RAPGEF4: variants seen among roughly 807,000 people sequenced by gnomAD.
RAPGEF4 encodes RAP guanine-nucleotide-exchange factor (GEF) 4.
In RAPGEF4, 66 loss-of-function variants were observed where a neutral mutation model predicts 147.9. The ratio of observed to expected loss-of-function variants is 0.45; its 90% CI spans 0.37 to 0.55. The LOEUF (loss-of-function observed/expected upper bound fraction) is 0.55, where lower values mean the gene tolerates loss of function less well. Ranked by LOEUF, RAPGEF4 falls within the 20% of genes least tolerant of loss-of-function variation. RAPGEF4 has a pLI of 0.00. For synonymous variants in RAPGEF4, 419 were observed against 442.7 expected, an observed-to-expected ratio of 0.95 and a Z score of 0.67; for missense variants, 1,071 against 1,257.3, an observed-to-expected ratio of 0.85 and a Z score of 2.24.
Position 173,052,076 on chromosome 2 carries a change from T to A in RAPGEF4, c.*309T>A, listed in dbSNP as rs993801462. ...GCCCACGTGAAGAGTTTGGTAGAAA[T>A]AGCCTTGTCAAGAGAACTAGCAAGC... is the stretch of plus-strand genomic sequence containing the variant. On this transcript the variant is annotated 3_prime_UTR_variant, in exon 31 of 31. Transcript: ENST00000397081. The A allele has an allele frequency of 2.7e-5, 5 of 186,690 alleles. 1 individual carries two copies. Among genetic ancestry groups the A allele is most frequent in the African/African-American group, 9.3e-5 (4 of 42,832 alleles). 11.6% of individuals were successfully genotyped at this position (186,690 alleles called of 1,614,324 possible). A position where few individuals can be genotyped will look rare whatever the true frequency, so the allele number is the denominator to read the frequency against.
At chr2:172,748,744 A>T (rs900869210) in intron 1 of RAPGEF4, among the ~76,000 whole-genome samples, 3 of 152,210 alleles carry the variant, frequency 2.0e-5, no homozygotes, top group African/African-American at 7.2e-5. Context: ...TTAACTGAAA[A>T]GTCCACAGTC....
At chr2:172,909,556 C>T (rs896689234) in intron 4 of RAPGEF4, among the ~76,000 whole-genome samples, 1 of 152,104 alleles carries the variant, frequency 6.6e-6, no homozygotes, top group African/African-American at 2.4e-5. Flanking sequence ...AGGACATTGT[C>T]CAAGAGCTCA....
At position 172,994,713 on chromosome 2, in the gene RAPGEF4, A is replaced by G. The variant is rs115744613; in HGVS notation, c.1491-1753A>G. Among the ~76,000 whole-genome samples the G allele has an allele frequency of 3.7e-3, 570 of 152,366 alleles. 4 individuals are homozygous for G. Among genetic ancestry groups the G allele is most frequent in the African/African-American group, 0.013 (540 of 41,590 alleles). ...CAGGAATTACTGAATTAATTGAGCA[A>G]TATTCTCTATTTCAATATCGAAAGT... On this transcript the variant is annotated intron_variant, in intron 15 of 30. Coordinates refer to ENST00000397081, the MANE Select transcript of RAPGEF4 (RefSeq NM_007023.4).
chr2:173,020,240 T>C (rs1249732125), intron 22 of RAPGEF4, among the ~76,000 whole-genome samples: 1 of 152,170 alleles, frequency 6.6e-6, no homozygotes, highest in Non-Finnish European at 1.5e-5. Flanking sequence ...CTCAGAAACC[T>C]CCAAAGTTTT....
chr2:172,918,247 CTT>C (rs11332643), intron 5 of RAPGEF4, among the ~76,000 whole-genome samples: 4,832 of 87,642 alleles, frequency 0.055, 129 homozygotes, highest in East Asian at 0.14. Context: ...CCACCTCTTG[CTT>C]TTTTTTTTTT....
chr2:172,920,712 G>C (rs907802017), intron 5 of RAPGEF4, among the ~76,000 whole-genome samples: 1 of 152,096 alleles, frequency 6.6e-6, no homozygotes, highest in Non-Finnish European at 1.5e-5. Flanking sequence ...ATGGTGATTT[G>C]TGCAACTGTG....
intron 3 of RAPGEF4, among the ~76,000 whole-genome samples, chr2:172,807,122 A>G (rs1687576880): frequency 6.6e-6 from 1 of 152,108 alleles, no homozygotes; most frequent in African/African-American, 2.4e-5. Flanking sequence ...ATCTCCTCCT[A>G]CTTGTCTATG....
chr2:172,786,710 A>G (rs1271134894), intron 1 of RAPGEF4, among the ~76,000 whole-genome samples: 1 of 152,136 alleles, frequency 6.6e-6, no homozygotes, highest in African/African-American at 2.4e-5. Flanking sequence ...CCTTATCTCT[A>G]CAAAAAATTT....
At chr2:172,938,216 C>CACAT (rs1553535272) in intron 6 of RAPGEF4, among the ~76,000 whole-genome samples, 2 of 131,888 alleles carry the variant, frequency 1.5e-5, no homozygotes, top group African/African-American at 3.8e-5. Context: ...TCTGTAAGTA[C>CACAT]ACACACACAC....
chr2:172,794,240 G>A (rs1686121262), intron 1 of RAPGEF4, among the ~76,000 whole-genome samples: 1 of 150,574 alleles, frequency 6.6e-6, no homozygotes, highest in Admixed American at 6.7e-5. Context: ...TTAGTTGGAT[G>A]TAGTAGCGGG....
chr2:172,964,401 ATTTTTTTTT>A (rs11374637), intron 8 of RAPGEF4, among the ~76,000 whole-genome samples: 1 of 115,166 alleles, frequency 8.7e-6, no homozygotes, highest in Non-Finnish European at 1.7e-5. Flanking sequence ...TGCTCCTCCT[ATTTTTTTTT>A]TTTTTTTTTT....
intron 25 of RAPGEF4, among the ~76,000 whole-genome samples, chr2:173,028,838 C>T (rs1696911149): frequency 6.6e-6 from 1 of 152,184 alleles, no homozygotes; most frequent in Non-Finnish European, 1.5e-5. Context: ...GTTTTAAGCT[C>T]TTTGCCTGCC....
At chr2:172,897,383 T>G (rs1401712373) in intron 4 of RAPGEF4, among the ~76,000 whole-genome samples, 4 of 151,930 alleles carry the variant, frequency 2.6e-5, no homozygotes, top group South Asian at 2.1e-4. Context: ...GCTGGGTTTT[T>G]GGGGTTTTTT....
At chr2:172,986,780 A>G (rs1575449316) in intron 12 of RAPGEF4, among the ~76,000 whole-genome samples, 1 of 148,844 alleles carries the variant, frequency 6.7e-6, no homozygotes, top group South Asian at 2.1e-4. Flanking sequence ...TGCAACCTTC[A>G]CCTCCCAGGT....
intron 1 of RAPGEF4, among the ~76,000 whole-genome samples, chr2:172,763,672 G>A (rs1696558179): frequency 6.6e-6 from 1 of 152,114 alleles, no homozygotes; most frequent in Non-Finnish European, 1.5e-5. Flanking sequence ...TAATCATTTC[G>A]ACTCAGTGAT....
At chr2:172,894,292 T>C (rs527806016) in intron 4 of RAPGEF4, 1 of 152,390 alleles carries the variant, frequency 6.6e-6, no homozygotes, top group South Asian at 2.1e-4. Flanking sequence ...TTTCAGTTCA[T>C]TAACAGCTTC....
At chr2:173,026,953 G>A (rs1350852806) in intron 24 of RAPGEF4, 128 bp from the exon 25 acceptor site, 1 of 895,512 alleles carries the variant, frequency 1.1e-6, no homozygotes. Flanking sequence ...CAAACCTCAT[G>A]GAAGCCCTTC....
intron 4 of RAPGEF4, among the ~76,000 whole-genome samples, chr2:172,867,155 T>C (rs1694744650): frequency 6.6e-6 from 1 of 152,068 alleles, no homozygotes; most frequent in African/African-American, 2.4e-5. Flanking sequence ...TTATTTTTAA[T>C]GGAGATGGGG....
chr2:172,801,861 G>C (rs1209323847), intron 3 of RAPGEF4, among the ~76,000 whole-genome samples: 2 of 152,060 alleles, frequency 1.3e-5, no homozygotes, highest in Non-Finnish European at 2.9e-5. Context: ...ATGCAGCTCT[G>C]AGCCCCACAG....
Sources: allele counts gnomAD v4.1 joint callset (sites outside exome capture counted in the v4.1 genomes callset), GRCh38; gene constraint gnomAD v4.1.1; transcripts MANE v1.5; gene names NCBI Gene and HGNC (gene_info 2026-07-23, HGNC 2026-07-21).